The following SLC71A2 variants were observed in gnomAD, a reference collection of about 807,000 sequenced individuals.
The protein encoded by SLC71A2 is hippocampus abundant transcript-like 1.
At chr9:94,440,139 A>G in the SLC71A2 span, among the ~76,000 whole-genome samples, 4 of 152,008 alleles carry the variant, frequency 2.6e-5, no homozygotes, top group Admixed American at 1.3e-4. Flanking sequence ...GCATTAATGG[A>G]TATTATTTGC....
the SLC71A2 span, among the ~76,000 whole-genome samples, chr9:94,431,404 T>C: frequency 6.6e-6 from 1 of 151,788 alleles, no homozygotes; most frequent in Non-Finnish European, 1.5e-5. Context: ...ATTCATATAA[T>C]AAATAATGTT....
At chr9:94,418,065 GT>G in the SLC71A2 span, among the ~76,000 whole-genome samples, 1 of 152,074 alleles carries the variant, frequency 6.6e-6, no homozygotes, top group Non-Finnish European at 1.5e-5. Flanking sequence ...GTTTCACCAT[GT>G]TGGCCAGGCT....
chr9:94,454,867 TC>T, the SLC71A2 span, among the ~76,000 whole-genome samples: 1 of 152,030 alleles, frequency 6.6e-6, no homozygotes, highest in Non-Finnish European at 1.5e-5. Flanking sequence ...CATATTAGAT[TC>T]CCCCATAAAC....
At chr9:94,456,280 A>G in the SLC71A2 span, 1 of 1,614,140 alleles carries the variant, frequency 6.2e-7, no homozygotes, top group Non-Finnish European at 8.5e-7. Context: ...CATGTCCAGC[A>G]TCACGTTTCC....
the SLC71A2 span, among the ~76,000 whole-genome samples, chr9:94,434,543 TTGACCTCG>T: frequency 6.6e-6 from 1 of 152,102 alleles, no homozygotes; most frequent in African/African-American, 2.4e-5. Context: ...TCTCAAACTC[TTGACCTCG>T]TGATCCTCCC....
At chr9:94,414,585 T>C in the SLC71A2 span, among the ~76,000 whole-genome samples, 1 of 152,170 alleles carries the variant, frequency 6.6e-6, no homozygotes, top group African/African-American at 2.4e-5. Context: ...TCTTGGAAAC[T>C]TAGTTTCTTG....
the SLC71A2 span, among the ~76,000 whole-genome samples, chr9:94,377,607 T>C: frequency 4.0e-5 from 6 of 149,524 alleles, no homozygotes; most frequent in African/African-American, 1.5e-4. Context: ...GGTCTCAAAC[T>C]CCTGGGCTCA....
chr9:94,445,100 C>G, the SLC71A2 span: 5 of 1,614,076 alleles, frequency 3.1e-6, no homozygotes, highest in Middle Eastern at 3.3e-4. Context: ...ATCTTAGTGG[C>G]TGTTCCAGAA....
chr9:94,387,257 CACTT>C, the SLC71A2 span, among the ~76,000 whole-genome samples: 4 of 152,122 alleles, frequency 2.6e-5, no homozygotes, highest in African/African-American at 4.8e-5. Flanking sequence ...TCCCTTTCTG[CACTT>C]ACTTCTTTTG....
the SLC71A2 span, among the ~76,000 whole-genome samples, chr9:94,411,907 T>A: frequency 6.6e-6 from 1 of 152,222 alleles, no homozygotes; most frequent in Non-Finnish European, 1.5e-5. Context: ...TAATTTTTGC[T>A]GTTACAGTGT....
chr9:94,394,826 T>C, the SLC71A2 span, among the ~76,000 whole-genome samples: 31 of 145,544 alleles, frequency 2.1e-4, 1 homozygote, highest in African/African-American at 6.6e-4. Flanking sequence ...TATGAAGATA[T>C]TGGCAGCTTA....
chr9:94,448,633 T>G, the SLC71A2 span, among the ~76,000 whole-genome samples: 1 of 152,196 alleles, frequency 6.6e-6, no homozygotes, highest in Non-Finnish European at 1.5e-5. Context: ...AAATAAAACC[T>G]TTTTACTTTT....
chr9:94,456,365 T>TC, the SLC71A2 span: 2 of 1,583,942 alleles, frequency 1.3e-6, no homozygotes, highest in East Asian at 4.5e-5. Flanking sequence ...CACTTGTTTT[T>TC]CTCCTTCAAC....
At chr9:94,380,270 C>CAA in the SLC71A2 span, among the ~76,000 whole-genome samples, 1 of 143,510 alleles carries the variant, frequency 7.0e-6, no homozygotes, top group Admixed American at 7.0e-5. Flanking sequence ...GACTCTTTCT[C>CAA]AAAAAAAAAA....
chr9:94,458,478 A>G, the SLC71A2 span: 3 of 1,612,928 alleles, frequency 1.9e-6, no homozygotes, highest in South Asian at 3.3e-5. Flanking sequence ...ATTTGGTCAT[A>G]AGTCTAGTTT....
At chr9:94,381,616 CTT>C in the SLC71A2 span, among the ~76,000 whole-genome samples, 1 of 152,142 alleles carries the variant, frequency 6.6e-6, no homozygotes, top group African/African-American at 2.4e-5. Context: ...ACAGAATACA[CTT>C]TTTTAAAAGT....
chr9:94,396,770 T>A, the SLC71A2 span, among the ~76,000 whole-genome samples: 1 of 152,150 alleles, frequency 6.6e-6, no homozygotes, highest in Admixed American at 6.5e-5. Context: ...TGCTCTAATA[T>A]ATTTTTTTTC....
At chr9:94,379,801 A>G in the SLC71A2 span, among the ~76,000 whole-genome samples, 1 of 152,230 alleles carries the variant, frequency 6.6e-6, no homozygotes, top group Non-Finnish European at 1.5e-5. Flanking sequence ...TTTATATCTT[A>G]TTTTGATGTT....
At chr9:94,382,686 C>T in the SLC71A2 span, among the ~76,000 whole-genome samples, 5 of 151,528 alleles carry the variant, frequency 3.3e-5, no homozygotes, top group African/African-American at 9.7e-5. Context: ...TAGACGGAGT[C>T]TCTTTCTTTG....
Sources: gnomAD v4.1 joint callset for allele counts (sites outside exome capture counted in the v4.1 genomes callset) on GRCh38, gnomAD v4.1.1 for gene constraint, MANE v1.5 for transcripts, NCBI Gene and HGNC (gene_info 2026-07-23, HGNC 2026-07-21) for gene names.